Variants in CCL25 observed in about 807,000 individuals in gnomAD.
CCL25 encodes C-C motif chemokine ligand 25.
A neutral mutation model predicts 19.9 loss-of-function variants in CCL25; 14 were observed. That is an observed-to-expected ratio of 0.70 (90% CI 0.47 to 1.10). The LOEUF (loss-of-function observed/expected upper bound fraction) is 1.10, where lower values mean the gene tolerates loss of function less well. Among genes scored for constraint, CCL25 ranks in the 50% least tolerant of loss-of-function variants. The pLI, the probability that CCL25 is intolerant of heterozygous loss-of-function variation, is 0.00. For synonymous variants in CCL25, 68 were observed against 73.2 expected, an observed-to-expected ratio of 0.93 and a Z score of 0.36; for missense variants, 151 against 181.2, an observed-to-expected ratio of 0.83 and a Z score of 0.96.
At position 8,059,086 on chromosome 19, in the gene CCL25, T is replaced by TATATAATGTATATATTATATATA. The variant is rs1568335932; in HGVS notation, c.445+1171_445+1172insATGTATATATTATATATAATATA. ...TATATATAATATATAATATATATAA[T>TATATAATGTATATATTATATATA]ATATATAATGTATATATTTATATAT... On this transcript the variant is annotated intron_variant, in intron 5 of 5. Coordinates refer to ENST00000315626, the MANE Select transcript of CCL25 (RefSeq NM_005624.4). Among the ~76,000 whole-genome samples, 4 of 18,430 alleles carry TATATAATGTATATATTATATATA rather than the reference T, an allele frequency of 2.2e-4. No individual in the cohort carries two copies. In the South Asian group the frequency reaches 0.015, roughly 70 times the overall value. 12.1% of individuals were successfully genotyped at this position (18,430 alleles called of 152,430 possible).
chr19:8,058,645 A>G (rs1408538152), intron 5 of CCL25, among the ~76,000 whole-genome samples: 1 of 130,880 alleles, frequency 7.6e-6, no homozygotes, highest in Non-Finnish European at 1.5e-5. Flanking sequence ...TATATAATAT[A>G]TAAATATATA....
At chr19:8,060,257 C>T (rs2081308615) in intron 5 of CCL25, among the ~76,000 whole-genome samples, 1 of 151,640 alleles carries the variant, frequency 6.6e-6, no homozygotes, top group Admixed American at 6.6e-5. Context: ...GAGAGGATTA[C>T]TTGAGCCCAG....
chr19:8,056,651 C>A (rs1335645259), intron 4 of CCL25, 152 bp downstream of exon 4: 4 of 827,464 alleles, frequency 4.8e-6, no homozygotes, highest in African/African-American at 1.7e-5. Flanking sequence ...AGTGGGGCAC[C>A]AAGTGAATGA....
intron 5 of CCL25, 143 bp from the exon 6 acceptor site, chr19:8,062,075 A>G (rs1451890256): frequency 1.4e-5 from 9 of 656,018 alleles, no homozygotes; most frequent in East Asian, 5.8e-5. Flanking sequence ...AAAAGTTAGC[A>G]TAAAAGATTC....
intron 2 of CCL25, among the ~76,000 whole-genome samples, chr19:8,053,740 G>A (rs1172481249): frequency 6.6e-6 from 1 of 151,886 alleles, no homozygotes; most frequent in Admixed American, 6.6e-5. Context: ...GTAGAGATGG[G>A]GTTTCACTAT....
chr19:8,061,721 C>T (rs1238648371), intron 5 of CCL25, among the ~76,000 whole-genome samples: 1 of 151,748 alleles, frequency 6.6e-6, no homozygotes, highest in Non-Finnish European at 1.5e-5. Flanking sequence ...AGGCCAGGTG[C>T]GGTGGCTCAC....
At chr19:8,056,302 G>GGGGGGCCCCCC in intron 3 of CCL25, 33 bp downstream of exon 3, 2 of 593,322 alleles carry the variant, frequency 3.4e-6, no homozygotes, top group Non-Finnish European at 3.2e-6. Flanking sequence ...GGGGGGTGGG[G>GGGGGGCCCCCC]TGCACACACA....
Position 8,062,576 on chromosome 19 carries a change from GTCAGT to G in CCL25, c.*355_*359del. Reference sequence around the variant, plus strand: ...CCCTCTGGGTCCCTCCAAAACTCTGGTCAGTTCAAGGATGCCCCTCCCAGGCTATG... The same window carrying G: ...CCCTCTGGGTCCCTCCAAAACTCTGGTCAAGGATGCCCCTCCCAGGCTATG... On this transcript the variant is annotated 3_prime_UTR_variant, in exon 6 of 6. Transcript: ENST00000315626. 3.2e-6 allele frequency: 1 copy of G among 313,518 alleles called. No individual in the cohort carries two copies. The allele number at this position is 313,518 out of a possible 1,614,324, so 19.4% of individuals were successfully genotyped here.
At chr19:8,053,943 T>G (rs2081250878) in intron 2 of CCL25, among the ~76,000 whole-genome samples, 1 of 152,174 alleles carries the variant, frequency 6.6e-6, no homozygotes, top group African/African-American at 2.4e-5. Context: ...AGTGAGCTCA[T>G]GCCTGCAAAA....
chr19:8,059,425 C>T (rs2081303136), intron 5 of CCL25, among the ~76,000 whole-genome samples: 1 of 151,326 alleles, frequency 6.6e-6, no homozygotes, highest in African/African-American at 2.4e-5. Context: ...TCTCTAACTT[C>T]TGGCCTCAAG....
intron 4 of CCL25, among the ~76,000 whole-genome samples, chr19:8,057,557 C>T (rs1470764636): frequency 2.0e-5 from 3 of 152,114 alleles, no homozygotes; most frequent in Non-Finnish European, 4.4e-5. Context: ...GACTTGAACC[C>T]CTGGACTCAA....
chr19:8,059,163 A>G (rs1436611893), intron 5 of CCL25, among the ~76,000 whole-genome samples: 1 of 114,312 alleles, frequency 8.7e-6, no homozygotes, highest in Non-Finnish European at 1.7e-5. Flanking sequence ...TATATATAAT[A>G]TATAATATAT....
chr19:8,053,064 C>A lies in CCL25; in HGVS notation c.15C>A (p.Leu5=). Residue 5 remains leucine, a synonymous_variant, in exon 2 of 6, where the codon CTC becomes CTA. Coordinates refer to ENST00000315626, the MANE Select transcript of CCL25 (RefSeq NM_005624.4). ...CCGCCTGCAGCATGAACCTGTGGCT[C>A]CTGGCCTGCCTGGTGGCCGGCTTCC... The part of the protein sequence containing the change: MNLW[L]LACLVAGFLG... 6.4e-7 allele frequency: 1 copy of A among 1,552,416 alleles called. No homozygotes were observed.
chr19:8,058,942 G>C (rs1420408187), intron 5 of CCL25, among the ~76,000 whole-genome samples: 1 of 138,010 alleles, frequency 7.2e-6, no homozygotes, highest in Non-Finnish European at 1.5e-5. Flanking sequence ...ACAGGCGTGA[G>C]CCACCGCGCC....
chr19:8,054,531 T>A (rs1223441043), intron 2 of CCL25, among the ~76,000 whole-genome samples: 2 of 151,908 alleles, frequency 1.3e-5, no homozygotes, highest in Non-Finnish European at 2.9e-5. Flanking sequence ...CTGGCAGAGG[T>A]GAGATTGCAG....
intron 2 of CCL25, 142 bp downstream of exon 2, chr19:8,053,264 G>A (rs896170936): frequency 5.7e-6 from 3 of 528,158 alleles, no homozygotes; most frequent in African/African-American, 3.8e-5. Context: ...AGGAACTCCT[G>A]GTGTTTGGTT....
chr19:8,060,693 T>G (rs2081311595), intron 5 of CCL25, among the ~76,000 whole-genome samples: 1 of 151,806 alleles, frequency 6.6e-6, no homozygotes, highest in African/African-American at 2.4e-5. Context: ...GGATTTTTTT[T>G]TTTTTGAGAT....
chr19:8,060,020 C>T (rs946418657), intron 5 of CCL25, among the ~76,000 whole-genome samples: 2 of 151,790 alleles, frequency 1.3e-5, no homozygotes, highest in Admixed American at 6.6e-5. Context: ...ACCTGGGAGG[C>T]GGGCCTTGAA....
upstream of CCL25, chr19:8,052,704 G>C: frequency 3.9e-6 from 1 of 255,968 alleles, no homozygotes; most frequent in Non-Finnish European, 7.4e-6. Flanking sequence ...AGGGCGGGCA[G>C]GGGGTGGCTG....
Sources: gnomAD v4.1 joint callset for allele counts (sites outside exome capture counted in the v4.1 genomes callset) on GRCh38, gnomAD v4.1.1 for gene constraint, MANE v1.5 for transcripts, NCBI Gene and HGNC (gene_info 2026-07-23, HGNC 2026-07-21) for gene names.